The following DAB1 variants were observed in gnomAD, a reference collection of about 807,000 sequenced individuals.
DAB1 encodes the protein disabled homolog 1.
DAB1 carries 15 observed loss-of-function variants against 64.6 expected under a neutral mutation model. That is an observed-to-expected ratio of 0.23 (90% CI 0.16 to 0.36). The LOEUF (loss-of-function observed/expected upper bound fraction) is 0.36. Among genes scored for constraint, DAB1 ranks in the 10% least tolerant of loss-of-function variants. The pLI is 1.00. For missense variants in DAB1, 596 were observed against 706.7 expected (o/e 0.84, Z 1.78); for synonymous variants, 235 against 251.9 (o/e 0.93, Z 0.64).
At chr1:58,256,725 C>T (rs1660939036) in intron 4 of DAB1, among the ~76,000 whole-genome samples, 1 of 150,522 alleles carries the variant, frequency 6.6e-6, no homozygotes, top group Non-Finnish European at 1.5e-5. Context: ...TGTTCATCTC[C>T]ATAGCCCCAA....
At chr1:57,083,486 C>A (rs138891364) in intron 4 of DAB1, among the ~76,000 whole-genome samples, 7 of 152,014 alleles carry the variant, frequency 4.6e-5, no homozygotes, top group Non-Finnish European at 1.0e-4. Context: ...TAAATGAATG[C>A]GCTTGAATGG....
At chr1:57,393,528 CA>C (rs1348124607) in intron 1 of DAB1, among the ~76,000 whole-genome samples, 38 of 145,748 alleles carry the variant, frequency 2.6e-4, no homozygotes, top group Admixed American at 2.0e-3. Flanking sequence ...TCCATCTCTA[CA>C]AAAAAAAAAT....
chr1:57,827,236 C>T (rs569903915), intron 1 of DAB1, among the ~76,000 whole-genome samples: 1 of 152,234 alleles, frequency 6.6e-6, no homozygotes, highest in East Asian at 1.9e-4. Context: ...ACATCAAACA[C>T]ATATCAAAAT....
chr1:58,377,757 T>A (rs202044822), intron 3 of DAB1, among the ~76,000 whole-genome samples: 12,276 of 136,670 alleles, frequency 0.09, 1,675 homozygotes, highest in South Asian at 0.14. Flanking sequence ...TTCTCCTGGA[T>A]AATATCCTGC....
chr1:58,534,123 T>C (rs375886024), intron 1 of DAB1: 3 of 867,804 alleles, frequency 3.5e-6, no homozygotes, highest in Non-Finnish European at 6.0e-6. Context: ...ACAATAAATT[T>C]AACAATTACA....
Position 57,904,265 on chromosome 1 carries a change from T to C in DAB1, n.388-20103A>G, listed in dbSNP as rs556417412. ...TGTGATGTTTCAGATCTGCATGCAT[T>C]GGCAAATGATGTTTCCTTTGCCTCA... On this transcript the variant is annotated intron_variant and non_coding_transcript_variant, in intron 5 of 20. Coordinates refer to the DAB1 transcript ENST00000485760. 2.0e-5 allele frequency among the ~76,000 whole-genome samples: 3 copies of C among 152,302 alleles called. No individual in the cohort carries two copies. In the South Asian group the frequency reaches 6.2e-4, roughly 32 times the overall value.
At chr1:57,495,474 C>T (rs893902894) in intron 7 of DAB1, among the ~76,000 whole-genome samples, 5 of 152,150 alleles carry the variant, frequency 3.3e-5, no homozygotes, top group African/African-American at 1.2e-4. Context: ...AACCGTCAAT[C>T]AAACTCAGCA....
intron 5 of DAB1, among the ~76,000 whole-genome samples, chr1:57,969,719 T>C (rs1410948164): frequency 6.6e-6 from 1 of 152,226 alleles, no homozygotes; most frequent in Non-Finnish European, 1.5e-5. Context: ...CATTTGATTC[T>C]TGCAATCAAA....
intron 5 of DAB1, among the ~76,000 whole-genome samples, chr1:57,930,298 A>C (rs1644936024): frequency 6.6e-6 from 1 of 152,214 alleles, no homozygotes; most frequent in Non-Finnish European, 1.5e-5. Flanking sequence ...TTATAGTAAG[A>C]CTGGAAGTTG....
intron 3 of DAB1, among the ~76,000 whole-genome samples, chr1:58,357,569 T>A (rs1452232136): frequency 6.6e-6 from 1 of 152,150 alleles, no homozygotes; most frequent in Non-Finnish European, 1.5e-5. Flanking sequence ...AAGAGGCATA[T>A]TGAGGATTCA....
intron 1 of DAB1, among the ~76,000 whole-genome samples, chr1:57,879,497 G>A (rs892826565): frequency 6.6e-6 from 1 of 152,124 alleles, no homozygotes; most frequent in Non-Finnish European, 1.5e-5. Context: ...GTGAGTATGC[G>A]ATTTACTCAC....
intron 6 of DAB1, among the ~76,000 whole-genome samples, chr1:57,786,051 A>C (rs537613527): frequency 2.4e-4 from 37 of 152,296 alleles, no homozygotes; most frequent in Non-Finnish European, 4.6e-4. Flanking sequence ...ATATCAAAGC[A>C]TGACTCTCCA....
intron 5 of DAB1, among the ~76,000 whole-genome samples, chr1:58,041,985 C>T (rs141079830): frequency 1.3e-5 from 2 of 152,324 alleles, no homozygotes; most frequent in Admixed American, 6.5e-5. Flanking sequence ...ATAGTAGAAG[C>T]CACAAATATC....
chr1:58,203,362 A>G (rs1658100663), intron 4 of DAB1, among the ~76,000 whole-genome samples: 4 of 152,212 alleles, frequency 2.6e-5, no homozygotes, highest in Admixed American at 2.6e-4. Context: ...AAACCAAGAC[A>G]TAGACAACAC....
chr1:57,241,732 G>A (rs935078647), intron 2 of DAB1, among the ~76,000 whole-genome samples: 3 of 152,094 alleles, frequency 2.0e-5, no homozygotes, highest in Admixed American at 6.6e-5. Context: ...TTGGAATAAG[G>A]ACCTCACTTC....
chr1:57,849,907 C>G (rs548819323), intron 1 of DAB1, among the ~76,000 whole-genome samples: 1 of 152,076 alleles, frequency 6.6e-6, no homozygotes, highest in Non-Finnish European at 1.5e-5. Flanking sequence ...TTATTTTTAT[C>G]ATTAGTCCAT....
intron 4 of DAB1, among the ~76,000 whole-genome samples, chr1:58,300,626 GA>G (rs1557726126): frequency 6.2e-4 from 29 of 47,076 alleles, no homozygotes; most frequent in Non-Finnish European, 1.3e-3. Context: ...GAGAGAGAGA[GA>G]GAGAGAGAGA....
At chr1:58,322,392 A>T (rs1662706548) in intron 4 of DAB1, among the ~76,000 whole-genome samples, 1 of 150,960 alleles carries the variant, frequency 6.6e-6, no homozygotes, top group Non-Finnish European at 1.5e-5. Context: ...CAAATTTACA[A>T]GAAAAAAACA....
At chr1:57,937,522 A>G (rs1248406038) in intron 5 of DAB1, among the ~76,000 whole-genome samples, 2 of 152,122 alleles carry the variant, frequency 1.3e-5, no homozygotes, top group Non-Finnish European at 2.9e-5. Context: ...GCAAGTGGGG[A>G]TACCAATAAG....
Sources: allele counts gnomAD v4.1 joint callset (sites outside exome capture counted in the v4.1 genomes callset), GRCh38; gene constraint gnomAD v4.1.1; transcripts MANE v1.5; gene names NCBI Gene and HGNC (gene_info 2026-07-23, HGNC 2026-07-21).